Variants in NELL1 observed in about 807,000 individuals in gnomAD.
NELL1 encodes protein kinase C-binding protein NELL1.
In NELL1, 76 loss-of-function variants were observed where a neutral mutation model predicts 107.4. The ratio of observed to expected loss-of-function variants is 0.71; its 90% CI spans 0.59 to 0.86. The LOEUF is 0.86. Ranked by LOEUF, NELL1 falls within the 40% of genes least tolerant of loss-of-function variation. NELL1 has a pLI of 0.00. For synonymous variants in NELL1, 353 were observed against 341.2 expected (o/e 1.03, Z -0.38); for missense variants, 1,024 against 1,005.5 (o/e 1.02, Z -0.25).
At chr11:21,088,521 A>T (rs1016103697) in intron 12 of NELL1, among the ~76,000 whole-genome samples, 7 of 152,150 alleles carry the variant, frequency 4.6e-5, no homozygotes, top group African/African-American at 1.7e-4. Context: ...TGGGTAAATT[A>T]TACACATAAG....
chr11:21,506,157 G>A (rs956781125), intron 15 of NELL1, among the ~76,000 whole-genome samples: 1 of 152,148 alleles, frequency 6.6e-6, no homozygotes, highest in Admixed American at 6.5e-5. Flanking sequence ...CATCCAATGT[G>A]GGTTGTATTA....
chr11:21,381,293 AC>A (rs1851601507), intron 15 of NELL1, among the ~76,000 whole-genome samples: 1 of 151,992 alleles, frequency 6.6e-6, no homozygotes, highest in African/African-American at 2.4e-5. Flanking sequence ...AAAAGAGTAA[AC>A]AAAAAAGGGG....
intron 4 of NELL1, among the ~76,000 whole-genome samples, chr11:20,852,161 A>AT (rs373737030): frequency 6.6e-6 from 1 of 152,084 alleles, no homozygotes; most frequent in Admixed American, 6.5e-5. Flanking sequence ...CTTAGCTCTT[A>AT]TTTTTTCAGA....
intron 13 of NELL1, among the ~76,000 whole-genome samples, chr11:21,187,239 GA>G (rs1856953967): frequency 6.6e-6 from 1 of 151,828 alleles, no homozygotes; most frequent in South Asian, 2.1e-4. Context: ...CTTTGACAGA[GA>G]AAAGTGACAT....
chr11:21,513,002 T>G (rs1837672159), intron 15 of NELL1, among the ~76,000 whole-genome samples: 1 of 152,190 alleles, frequency 6.6e-6, no homozygotes. Flanking sequence ...TAATGGCACC[T>G]ATTTCCCTAA....
At chr11:21,236,338 G>A (rs1306789669) in intron 14 of NELL1, among the ~76,000 whole-genome samples, 1 of 152,132 alleles carries the variant, frequency 6.6e-6, no homozygotes, top group East Asian at 1.9e-4. Flanking sequence ...ATACATAGAT[G>A]CAAAATGAGA....
intron 12 of NELL1, among the ~76,000 whole-genome samples, chr11:21,006,676 T>C (rs1027950841): frequency 6.6e-6 from 1 of 152,104 alleles, no homozygotes; most frequent in Non-Finnish European, 1.5e-5. Context: ...TGCAGCTGGC[T>C]GAAGAGGGAT....
chr11:21,533,295 G>T (rs1454477101), intron 15 of NELL1, among the ~76,000 whole-genome samples: 1 of 152,138 alleles, frequency 6.6e-6, no homozygotes, highest in African/African-American at 2.4e-5. Flanking sequence ...GTAGCTGATT[G>T]CCCCTGAACT....
intron 5 of NELL1, among the ~76,000 whole-genome samples, chr11:20,916,630 G>T (rs1850264132): frequency 6.6e-6 from 1 of 151,866 alleles, no homozygotes; most frequent in African/African-American, 2.4e-5. Context: ...ATCGCCTGGG[G>T]TAACCAGCTG....
chr11:20,826,911 T>C (rs369562917), intron 3 of NELL1, among the ~76,000 whole-genome samples: 7 of 151,254 alleles, frequency 4.6e-5, no homozygotes, highest in African/African-American at 1.5e-4. Context: ...TTGCTGAAGG[T>C]ATACTTTTGT....
At chr11:21,230,570 T>G (rs1450735890) in intron 14 of NELL1, among the ~76,000 whole-genome samples, 1 of 152,212 alleles carries the variant, frequency 6.6e-6, no homozygotes, top group Non-Finnish European at 1.5e-5. Flanking sequence ...TTAGAAGTGA[T>G]AAGATTGAGA....
At chr11:21,373,178 A>T (rs1225651207) in intron 15 of NELL1, among the ~76,000 whole-genome samples, 2 of 152,058 alleles carry the variant, frequency 1.3e-5, no homozygotes, top group Non-Finnish European at 2.9e-5. Flanking sequence ...CTCAAATTCT[A>T]TCAGATTTTT....
chr11:20,881,894 A>C (rs1208556154), intron 4 of NELL1, among the ~76,000 whole-genome samples: 1 of 152,224 alleles, frequency 6.6e-6, no homozygotes, highest in Non-Finnish European at 1.5e-5. Flanking sequence ...TACACATTGC[A>C]GGCAATCAGC....
chr11:21,215,567 CTT>C (rs1230596356), intron 13 of NELL1, among the ~76,000 whole-genome samples: 1 of 152,148 alleles, frequency 6.6e-6, no homozygotes, highest in Non-Finnish European at 1.5e-5. Context: ...TGTTGAATGA[CTT>C]TGACCAAATG....
chr11:21,329,061 A>G (rs189719043), intron 14 of NELL1, among the ~76,000 whole-genome samples: 7 of 152,290 alleles, frequency 4.6e-5, no homozygotes, highest in African/African-American at 1.4e-4. Context: ...TGGGAAAGGC[A>G]TGATTATGTT....
chr11:21,024,246 A>G lies in NELL1; in HGVS notation c.1300+63686A>G, dbSNP rs1296511362. On this transcript the variant is annotated intron_variant, in intron 12 of 19. Coordinates refer to ENST00000357134, the MANE Select transcript of NELL1 (RefSeq NM_006157.5). ...TATCTGAACTACCAAACCAACTTAG[A>G]AAATACCTTCTACATTGATTTACTT... 3.3e-5 allele frequency among the ~76,000 whole-genome samples: 5 copies of G among 152,162 alleles called. No individual in the cohort carries two copies. The East Asian group carries it at 9.6e-4, about 29-fold the overall frequency.
At chr11:21,551,787 G>A (rs1856593997) in intron 16 of NELL1, among the ~76,000 whole-genome samples, 1 of 151,412 alleles carries the variant, frequency 6.6e-6, no homozygotes, top group Non-Finnish European at 1.5e-5. Flanking sequence ...CCATTACTGG[G>A]TATATACCCA....
chr11:20,934,827 A>G (rs1428423633), intron 9 of NELL1, among the ~76,000 whole-genome samples: 1 of 152,192 alleles, frequency 6.6e-6, no homozygotes, highest in Admixed American at 6.5e-5. Flanking sequence ...TCTAGCTCTC[A>G]TTAGGACCAA....
intron 15 of NELL1, among the ~76,000 whole-genome samples, chr11:21,438,259 G>GTT (rs35035702): frequency 0.36 from 54,726 of 149,952 alleles, 10,103 homozygotes; most frequent in East Asian, 0.47. Flanking sequence ...TTACATGACA[G>GTT]TTTTTTTGTT....
Sources: allele counts gnomAD v4.1 joint callset (sites outside exome capture counted in the v4.1 genomes callset), GRCh38; gene constraint gnomAD v4.1.1; transcripts MANE v1.5; gene names NCBI Gene and HGNC (gene_info 2026-07-23, HGNC 2026-07-21).